Variants in KCNN3 observed in about 807,000 individuals in gnomAD.
KCNN3 encodes the protein potassium calcium-activated channel subfamily N member 3, also known as small conductance calcium-activated potassium channel protein 3.
KCNN3 carries 16 observed loss-of-function variants against 62.9 expected under a neutral mutation model. The observed-to-expected ratio is 0.25, with a 90% confidence interval of 0.17 to 0.39. The LOEUF (loss-of-function observed/expected upper bound fraction) is 0.39, where lower values mean the gene tolerates loss of function less well. KCNN3 is among the 10% of genes least tolerant of loss of function. The pLI, the probability that KCNN3 is intolerant of heterozygous loss-of-function variation, is 1.00. For synonymous variants in KCNN3, 370 were observed against 389.2 expected, an observed-to-expected ratio of 0.95 and a Z score of 0.58; for missense variants, 599 against 949.4, an observed-to-expected ratio of 0.63 and a Z score of 4.85.
At chr1:154,796,964 C>T (rs1482748248) in intron 2 of KCNN3, among the ~76,000 whole-genome samples, 2 of 152,200 alleles carry the variant, frequency 1.3e-5, no homozygotes, top group Non-Finnish European at 2.9e-5. Context: ...TATCTAATCC[C>T]GGTGTGCTTG....
Position 154,759,120 on chromosome 1 carries a change from A to G in KCNN3, c.1448+12855T>C, listed in dbSNP as rs551758562. Among the ~76,000 whole-genome samples, 16 of 152,300 alleles carry G rather than the reference A, an allele frequency of 1.1e-4. No individual in the cohort carries two copies. In the South Asian group the frequency reaches 1.2e-3, roughly 12 times the overall value. ...ACCATGCCCGGCCAAAAAAAATCACATTTTTAAAAACCCTTCTAGCAGCTG... is the reference window on the plus strand; with the variant it reads ...ACCATGCCCGGCCAAAAAAAATCACGTTTTTAAAAACCCTTCTAGCAGCTG... On this transcript the variant is annotated intron_variant, in intron 3 of 7. Transcript: ENST00000271915.
intron 5 of KCNN3, among the ~76,000 whole-genome samples, chr1:154,716,583 G>A (rs554046044): frequency 6.6e-6 from 1 of 152,338 alleles, no homozygotes; most frequent in South Asian, 2.1e-4. Context: ...TTTTTCATTG[G>A]CGCTGAAGTG....
intron 2 of KCNN3, among the ~76,000 whole-genome samples, chr1:154,781,861 A>G (rs957352249): frequency 7.9e-5 from 12 of 152,234 alleles, no homozygotes; most frequent in African/African-American, 2.7e-4. Context: ...GGAGGAAAAC[A>G]GATATTAAAC....
intron 2 of KCNN3, among the ~76,000 whole-genome samples, chr1:154,800,428 T>C (rs1292406423): frequency 6.6e-6 from 1 of 152,138 alleles, no homozygotes; most frequent in Non-Finnish European, 1.5e-5. Flanking sequence ...AGGACACAGA[T>C]AAGGAGTCCA....
chr1:154,794,855 G>C (rs955779001), intron 2 of KCNN3, among the ~76,000 whole-genome samples: 2 of 152,136 alleles, frequency 1.3e-5, no homozygotes, highest in Non-Finnish European at 2.9e-5. Flanking sequence ...ACCCAGTAGC[G>C]AGCCTGTCAC....
At chr1:154,714,765 C>T (rs768657984) in intron 6 of KCNN3, 111 bp downstream of exon 6, 203 of 1,458,434 alleles carry the variant, frequency 1.4e-4, no homozygotes, top group Middle Eastern at 3.8e-4. Flanking sequence ...TTCACCACTC[C>T]ACTTGTTGAG....
At chr1:154,863,146 G>A (rs1652828211) in intron 1 of KCNN3, among the ~76,000 whole-genome samples, 1 of 152,160 alleles carries the variant, frequency 6.6e-6, no homozygotes, top group Non-Finnish European at 1.5e-5. Flanking sequence ...TGACCAGAAA[G>A]TAGCGTGGTC....
At chr1:154,741,710 TAA>T (rs5777929) in intron 3 of KCNN3, among the ~76,000 whole-genome samples, 10 of 145,506 alleles carry the variant, frequency 6.9e-5, no homozygotes, top group Admixed American at 6.8e-5. Flanking sequence ...ACTAGTTTTG[TAA>T]AAAAAAAAAA....
At chr1:154,784,082 C>T (rs1032386498) in intron 2 of KCNN3, among the ~76,000 whole-genome samples, 7 of 152,072 alleles carry the variant, frequency 4.6e-5, no homozygotes, top group African/African-American at 1.2e-4. Flanking sequence ...GGAAAGACAC[C>T]GGGTCCCCTC....
At chr1:154,793,863 C>A (rs1026907938) in intron 2 of KCNN3, among the ~76,000 whole-genome samples, 12 of 152,206 alleles carry the variant, frequency 7.9e-5, no homozygotes, top group Non-Finnish European at 1.2e-4. Flanking sequence ...CGGATTCATT[C>A]CAGGGTTTGC....
chr1:154,854,139 G>T (rs1365599647), intron 1 of KCNN3, among the ~76,000 whole-genome samples: 1 of 152,168 alleles, frequency 6.6e-6, no homozygotes, highest in East Asian at 1.9e-4. Context: ...GGAGGCTGAG[G>T]CAGGAGGATA....
chr1:154,792,673 G>A (rs948680438), intron 2 of KCNN3, among the ~76,000 whole-genome samples: 15 of 152,134 alleles, frequency 9.9e-5, no homozygotes, highest in Admixed American at 5.2e-4. Flanking sequence ...GGGTAGAGAC[G>A]GAAAGAGAGA....
chr1:154,791,676 A>G (rs974198584), intron 2 of KCNN3, among the ~76,000 whole-genome samples: 1 of 152,226 alleles, frequency 6.6e-6, no homozygotes, highest in African/African-American at 2.4e-5. Context: ...TTTTAGAAAT[A>G]GCTTGAAGCC....
At chr1:154,733,339 C>T (rs1008875016) in intron 3 of KCNN3, among the ~76,000 whole-genome samples, 195 bp from the exon 4 acceptor site, 2 of 152,322 alleles carry the variant, frequency 1.3e-5, no homozygotes, top group Middle Eastern at 3.4e-3. Flanking sequence ...TGCAGCCCCC[C>T]GTCCCGTTGG....
intron 5 of KCNN3, among the ~76,000 whole-genome samples, chr1:154,719,649 G>A (rs1197173600): frequency 6.6e-6 from 1 of 152,158 alleles, no homozygotes; most frequent in Admixed American, 6.5e-5. Flanking sequence ...CGGAGAACCT[G>A]CAAGCCAGCC....
At chr1:154,758,203 T>C (rs11579604) in intron 3 of KCNN3, among the ~76,000 whole-genome samples, 54,030 of 151,988 alleles carry the variant, frequency 0.36, 10,890 homozygotes, top group Middle Eastern at 0.5. Context: ...CCAGAGGGTG[T>C]TCAAAAGAGG....
chr1:154,773,432 G>A (rs1479721284), intron 2 of KCNN3, among the ~76,000 whole-genome samples: 3 of 152,222 alleles, frequency 2.0e-5, no homozygotes, highest in Admixed American at 6.5e-5. Context: ...AACCTGAGAA[G>A]GGCGTCCTGG....
intron 4 of KCNN3, among the ~76,000 whole-genome samples, chr1:154,728,651 A>G (rs1328431380): frequency 1.3e-5 from 2 of 151,826 alleles, no homozygotes; most frequent in African/African-American, 4.8e-5. Context: ...AAAAGAGAAG[A>G]GAAGAGGAGA....
At chr1:154,834,762 G>T (rs141446793) in intron 1 of KCNN3, among the ~76,000 whole-genome samples, 1 of 152,224 alleles carries the variant, frequency 6.6e-6, no homozygotes, top group African/African-American at 2.4e-5. Flanking sequence ...GGCACGGAAT[G>T]ATTATACAAT....
Sources: gnomAD v4.1 joint callset for allele counts (sites outside exome capture counted in the v4.1 genomes callset) on GRCh38, gnomAD v4.1.1 for gene constraint, MANE v1.5 for transcripts, NCBI Gene and HGNC (gene_info 2026-07-23, HGNC 2026-07-21) for gene names.